The following TRPM3 variants were observed in gnomAD, a reference collection of about 807,000 sequenced individuals.
TRPM3 encodes transient receptor potential cation channel subfamily M member 3, also known as long transient receptor potential channel 3.
Under a neutral mutation model 181.2 loss-of-function variants are expected in TRPM3, and 77 were observed. The ratio of observed to expected loss-of-function variants is 0.42; its 90% CI spans 0.35 to 0.51. TRPM3 has a LOEUF of 0.51. TRPM3 is among the 20% of genes least tolerant of loss of function. The pLI, the probability that TRPM3 is intolerant of heterozygous loss-of-function variation, is 0.01. For missense variants in TRPM3, 1,759 were observed against 2,196.7 expected (o/e 0.80, Z 3.98); for synonymous variants, 745 against 796.4 (o/e 0.94, Z 1.09).
intron 1 of TRPM3, among the ~76,000 whole-genome samples, chr9:71,324,175 A>C (rs2089474049): frequency 6.6e-6 from 1 of 152,200 alleles, no homozygotes; most frequent in East Asian, 1.9e-4. Flanking sequence ...TAGATGGAGT[A>C]TATGACTTTA....
chr9:70,838,750 T>C (rs2094467836), intron 5 of TRPM3, among the ~76,000 whole-genome samples: 1 of 152,152 alleles, frequency 6.6e-6, no homozygotes, highest in African/African-American at 2.4e-5. Flanking sequence ...TGAAACAGTG[T>C]ATGTTTTCAG....
chr9:71,291,845 T>C (rs1346094606), intron 1 of TRPM3, among the ~76,000 whole-genome samples: 1 of 152,034 alleles, frequency 6.6e-6, no homozygotes, highest in Non-Finnish European at 1.5e-5. Flanking sequence ...AAATAAATCC[T>C]GAAACCAGTA....
chr9:71,383,962 A>C (rs1229832963), intron 1 of TRPM3, among the ~76,000 whole-genome samples: 1 of 152,222 alleles, frequency 6.6e-6, no homozygotes, highest in Non-Finnish European at 1.5e-5. Context: ...GAAACACACC[A>C]ACAAGAAAAA....
chr9:71,083,244 A>C (rs900143627), intron 1 of TRPM3, among the ~76,000 whole-genome samples: 1 of 152,130 alleles, frequency 6.6e-6, no homozygotes, highest in African/African-American at 2.4e-5. Context: ...CCATTTATTG[A>C]GTGCTTATCA....
intron 25 of TRPM3, among the ~76,000 whole-genome samples, chr9:70,548,009 A>C (rs2045480223): frequency 6.6e-6 from 1 of 152,060 alleles, no homozygotes; most frequent in East Asian, 1.9e-4. Context: ...CCTTCCTTGC[A>C]TCTTAACACT....
At chr9:71,183,727 C>A (rs2077526990) in intron 1 of TRPM3, among the ~76,000 whole-genome samples, 1 of 152,078 alleles carries the variant, frequency 6.6e-6, no homozygotes, top group South Asian at 2.1e-4. Flanking sequence ...GCTCTCTGAA[C>A]ATACTAATAA....
intron 1 of TRPM3, among the ~76,000 whole-genome samples, chr9:71,127,604 C>T (rs1345991132): frequency 6.6e-6 from 1 of 152,202 alleles, no homozygotes; most frequent in Non-Finnish European, 1.5e-5. Context: ...ATAGTTTCCA[C>T]CTCCAGGTTT....
intron 1 of TRPM3, among the ~76,000 whole-genome samples, chr9:71,071,481 A>G (rs570310852): frequency 1.3e-5 from 2 of 152,318 alleles, no homozygotes; most frequent in South Asian, 2.1e-4. Flanking sequence ...AGATTGTTAG[A>G]AGGCTATCTA....
chr9:71,375,544 A>C (rs913995945), intron 1 of TRPM3, among the ~76,000 whole-genome samples: 17 of 152,242 alleles, frequency 1.1e-4, no homozygotes, highest in African/African-American at 3.9e-4. Context: ...TAAACGAAAG[A>C]GCTTCAGCAC....
intron 8 of TRPM3, among the ~76,000 whole-genome samples, chr9:70,752,747 C>T (rs888110110): frequency 6.6e-5 from 10 of 152,070 alleles, no homozygotes; most frequent in African/African-American, 2.4e-4. Flanking sequence ...AAATTTGTAG[C>T]CTAGGGACAA....
chr9:70,586,630 T>C (rs1028396631), intron 22 of TRPM3, among the ~76,000 whole-genome samples: 3 of 152,240 alleles, frequency 2.0e-5, no homozygotes, highest in Non-Finnish European at 4.4e-5. Context: ...CAAAATACTT[T>C]TTTGGTCAAG....
At chr9:70,905,830 A>G (rs1790622419) in intron 1 of TRPM3, among the ~76,000 whole-genome samples, 1 of 152,062 alleles carries the variant, frequency 6.6e-6, no homozygotes, top group African/African-American at 2.4e-5. Context: ...GTTTGCCTCA[A>G]CAACCTGGGC....
intron 22 of TRPM3, among the ~76,000 whole-genome samples, chr9:70,566,103 T>G (rs1451954655): frequency 1.3e-5 from 2 of 152,090 alleles, no homozygotes; most frequent in Non-Finnish European, 2.9e-5. Flanking sequence ...TGATAGTGGA[T>G]GGACAGAAAA....
chr9:70,968,648 G>C (rs1283525969), intron 1 of TRPM3, among the ~76,000 whole-genome samples: 1 of 152,174 alleles, frequency 6.6e-6, no homozygotes, highest in Non-Finnish European at 1.5e-5. Context: ...GAGAAAAGGA[G>C]AAGAAAATGA....
chr9:71,265,626 G>C (rs1199193493), intron 1 of TRPM3, among the ~76,000 whole-genome samples: 1 of 152,120 alleles, frequency 6.6e-6, no homozygotes, highest in Non-Finnish European at 1.5e-5. Flanking sequence ...CTCAAGAGTT[G>C]TTCAAGCCTA....
At chr9:71,236,499 T>A (rs4079469) in intron 1 of TRPM3, among the ~76,000 whole-genome samples, 37,057 of 152,024 alleles carry the variant, frequency 0.24, 5,279 homozygotes, top group African/African-American at 0.38. Flanking sequence ...TATAGTCTTA[T>A]TTCACTTAAT....
chr9:70,700,128 A>T lies in TRPM3; in HGVS notation c.1273-18550T>A, dbSNP rs796274379. Among the ~76,000 whole-genome samples, 3 of 152,104 alleles carry T rather than the reference A, an allele frequency of 2.0e-5. No individual in the cohort carries two copies. In the South Asian group the frequency reaches 6.2e-4, roughly 32 times the overall value. ...CACCCGAGTAGCTTAGACTACAGGC[A>T]TGTGCCACCATGCCCGGCTAATTTT... On this transcript the variant is annotated intron_variant, in intron 8 of 25. Transcript: ENST00000677713.
In TRPM3 at chr9:70,846,571, A is replaced by C; in HGVS notation, c.483T>G (p.Asp161Glu). The C allele has an allele frequency of 6.2e-7, 1 of 1,614,140 alleles. No individual in the cohort carries two copies. The highest frequency in any genetic ancestry group is 8.5e-7 in the Non-Finnish European group (1 of 1,179,988). The change falls in exon 4 of 26, where the codon GAT becomes GAG. Residue 161 changes from aspartate (D) to glutamate (E), a missense_variant. Asp to Glu is a conservative substitution (Grantham distance 45, BLOSUM62 2). This residue lies in a region of TRPM3 where 737 missense variants were observed against 957.4 expected (regional missense o/e 0.77). Coordinates refer to ENST00000677713, the MANE Select transcript of TRPM3 (RefSeq NM_001366145.2). The part of the protein sequence containing the change: ...NKAMYVRVSF[D>E]TKPDLLLHLM... ...GGTGTAAGAGGAGATCAGGTTTTGT[A>C]TCAAAAGATACTCGCACATACTGGA...
chr9:70,875,535 T>C (rs1442843178), intron 1 of TRPM3, among the ~76,000 whole-genome samples: 1 of 151,892 alleles, frequency 6.6e-6, no homozygotes, highest in Non-Finnish European at 1.5e-5. Context: ...TTGAACAATT[T>C]GGCACATGTG....
Sources: gnomAD v4.1 joint callset for allele counts (sites outside exome capture counted in the v4.1 genomes callset) on GRCh38, gnomAD v4.1.1 for gene constraint, gnomAD v4.1.1 regional missense constraint, MANE v1.5 for transcripts, NCBI Gene and HGNC (gene_info 2026-07-23, HGNC 2026-07-21) for gene names.